HIVEP2: variants seen among roughly 807,000 people sequenced by gnomAD.
HIVEP2 encodes the protein transcription factor HIVEP2.
HIVEP2 carries 14 observed loss-of-function variants against 180.7 expected under a neutral mutation model. The ratio of observed to expected loss-of-function variants is 0.08; its 90% CI spans 0.05 to 0.12. HIVEP2 has a LOEUF of 0.12. HIVEP2 is among the 10% of genes least tolerant of loss of function. The pLI is 1.00. For missense variants in HIVEP2, 2,579 were observed against 3,008.5 expected, an observed-to-expected ratio of 0.86 and a Z score of 3.34; for synonymous variants, 1,184 against 1,136.4, an observed-to-expected ratio of 1.04 and a Z score of -0.84.
intron 1 of HIVEP2, among the ~76,000 whole-genome samples, chr6:142,898,495 C>T (rs1052802317): frequency 1.3e-5 from 2 of 152,044 alleles, no homozygotes; most frequent in Non-Finnish European, 2.9e-5. Context: ...AACCCCATCT[C>T]TACTAAAAAT....
At chr6:142,837,789 G>C (rs913386472) in intron 1 of HIVEP2, among the ~76,000 whole-genome samples, 1 of 152,036 alleles carries the variant, frequency 6.6e-6, no homozygotes, top group Non-Finnish European at 1.5e-5. Flanking sequence ...ACTAGAGAGA[G>C]AGCCTAAAAT....
Position 142,943,151 on chromosome 6 carries a change from T to C in HIVEP2, c.-641+1948A>G, listed in dbSNP as rs946980799. Among the ~76,000 whole-genome samples the C allele has an allele frequency of 1.3e-5, 2 of 152,158 alleles. No homozygotes were observed. The highest frequency in any genetic ancestry group is 2.9e-5 in the Non-Finnish European group (2 of 68,030). ...TTAATAATGAAAATGATACCCACTT[T>C]AGTCACAGAAAGGACATTTCTGTTC... is the stretch of plus-strand genomic sequence containing the variant. On this transcript the variant is annotated intron_variant, in intron 1 of 9. Coordinates refer to ENST00000367603, the MANE Select transcript of HIVEP2 (RefSeq NM_006734.4). The surrounding 1 kb of genome is among the most constrained non-coding windows in gnomAD (Gnocchi z 4.5).
rs184453370 is a variant in HIVEP2 at position 142,925,204 on chromosome 6, T to G, written c.-641+19895A>C. ...GGAAAAAAGGGAATGAGAATCAATA[T>G]TTTTAGAAAGTAATCTTGCATTAAC... is the stretch of plus-strand genomic sequence containing the variant. On this transcript the variant is annotated intron_variant, in intron 1 of 9. Coordinates refer to ENST00000367603, the MANE Select transcript of HIVEP2 (RefSeq NM_006734.4). Among the ~76,000 whole-genome samples, 466 of 152,324 alleles carry G rather than the reference T, an allele frequency of 3.1e-3. 2 individuals carry two copies. Among genetic ancestry groups the G allele is most frequent in the African/African-American group, 0.011 (451 of 41,566 alleles).
chr6:142,799,662 T>C (rs968796221), intron 2 of HIVEP2, among the ~76,000 whole-genome samples: 63 of 152,310 alleles, frequency 4.1e-4, no homozygotes, highest in African/African-American at 1.5e-3. Flanking sequence ...CAAAACCTTA[T>C]TGAAGTCCCA....
In HIVEP2 at chr6:142,799,147, A is replaced by G. The variant is rs970322384; in HGVS notation, c.-527-15532T>C. 4.1e-4 allele frequency among the ~76,000 whole-genome samples: 62 copies of G among 152,298 alleles called. 1 individual carries two copies. The highest frequency in any genetic ancestry group is 6.8e-3 in the Middle Eastern group (2 of 294). ...GCACAGGTGAAATACTGAAAACATG[A>G]AATATTACTTAAAGCATGAAATGCT... On this transcript the variant is annotated intron_variant, in intron 2 of 9. Coordinates refer to ENST00000367603, the MANE Select transcript of HIVEP2 (RefSeq NM_006734.4).
At position 142,770,210 on chromosome 6, in the gene HIVEP2, G is replaced by A. The variant is rs1173742799; in HGVS notation, c.4529C>T (p.Ser1510Leu). ...CAGCGAGGAGAAGGAAGATGACCCTGACTGCAAGCCATCTTTTGGCTCAGA... is the reference window on the plus strand; with the variant it reads ...CAGCGAGGAGAAGGAAGATGACCCTAACTGCAAGCCATCTTTTGGCTCAGA... ...CASEPKDGLQ[S>L]GSSSFSSLSP... The change falls in exon 5 of 10, where the codon TCA (serine) becomes TTA (leucine). Residue 1510 changes from serine to leucine, a missense_variant. By Grantham distance (145) the Ser-to-Leu change is moderately radical. Transcript: ENST00000367603. The surrounding 1 kb of genome is among the most constrained non-coding windows in gnomAD (Gnocchi z 4.7). The A allele has an allele frequency of 6.2e-7, 1 of 1,614,192 alleles. No homozygotes were observed. The highest frequency in any genetic ancestry group is 8.5e-7 in the Non-Finnish European group (1 of 1,180,034).
intron 2 of HIVEP2, among the ~76,000 whole-genome samples, chr6:142,812,963 A>G (rs1406381352): frequency 2.0e-5 from 3 of 152,234 alleles, no homozygotes; most frequent in Non-Finnish European, 4.4e-5. Context: ...CTTGAAGTCC[A>G]CAATTCTGAA....
intron 1 of HIVEP2, among the ~76,000 whole-genome samples, chr6:142,927,000 C>CGCGCGGCG (rs1026956895): frequency 1.3e-4 from 19 of 151,586 alleles, no homozygotes; most frequent in Non-Finnish European, 1.8e-4. Context: ...GGGCAGGCAG[C>CGCGCGGCG]GCGCGGCGGC....
intron 1 of HIVEP2, among the ~76,000 whole-genome samples, chr6:142,895,956 A>C (rs1776978497): frequency 6.6e-6 from 1 of 152,200 alleles, no homozygotes; most frequent in Non-Finnish European, 1.5e-5. Flanking sequence ...ACCTTATTGA[A>C]CCAATTAATG....
intron 1 of HIVEP2, among the ~76,000 whole-genome samples, chr6:142,900,595 A>G (rs2128425156): frequency 6.6e-6 from 1 of 152,304 alleles, no homozygotes; most frequent in African/African-American, 2.4e-5. Context: ...GACACACAGA[A>G]AAGCAATAAC....
intron 1 of HIVEP2, among the ~76,000 whole-genome samples, chr6:142,917,051 T>C (rs1478698049): frequency 6.6e-6 from 1 of 152,232 alleles, no homozygotes; most frequent in Admixed American, 6.5e-5. Context: ...GCACTTCTTC[T>C]AATATTGTAC....
chr6:142,768,656 C>T, intron 5 of HIVEP2, 120 bp from the exon 6 acceptor site: 1 of 904,482 alleles, frequency 1.1e-6, no homozygotes. Flanking sequence ...AGGCCAGGAA[C>T]TAGTTATATA....
rs756431223 is a variant in HIVEP2, at chr6:142,773,483, T to C, written c.1256A>G (p.Lys419Arg). 5 of 1,614,228 alleles carry C rather than the reference T, an allele frequency of 3.1e-6. No homozygotes were observed. The highest frequency in any genetic ancestry group is 2.2e-5 in the East Asian group (1 of 44,888). ...QQISPPNTNAKSYEEIIFGKY... is the reference protein window; with the variant it reads ...QQISPPNTNARSYEEIIFGKY... ...TCCAAAGATGATTTCTTCATAAGAC[T>C]TTGCATTTGTGTTGGGAGGGCTTAT... Residue 419 changes from lysine to arginine, a missense_variant, in exon 5 of 10, where the codon AAG (lysine) becomes AGG (arginine). Transcript: ENST00000367603.
intron 1 of HIVEP2, among the ~76,000 whole-genome samples, chr6:142,839,948 C>A (rs981461284): frequency 6.6e-6 from 1 of 152,088 alleles, no homozygotes. Flanking sequence ...AGCCACTGTG[C>A]CTCTCATAGG....
At chr6:142,879,546 C>G (rs1290566626) in intron 1 of HIVEP2, among the ~76,000 whole-genome samples, 1 of 152,176 alleles carries the variant, frequency 6.6e-6, no homozygotes, top group Non-Finnish European at 1.5e-5. Flanking sequence ...TCCTCTATCT[C>G]AAACTCAGAT....
intron 2 of HIVEP2, among the ~76,000 whole-genome samples, chr6:142,828,229 C>T (rs113704442): frequency 0.015 from 2,297 of 152,286 alleles, 52 homozygotes; most frequent in African/African-American, 0.052. Context: ...TTCCTTGAGA[C>T]TTGCCTCTGT....
intron 1 of HIVEP2, among the ~76,000 whole-genome samples, chr6:142,929,710 C>T (rs1346926269): frequency 6.6e-6 from 1 of 152,044 alleles, no homozygotes; most frequent in Non-Finnish European, 1.5e-5. Context: ...TTGAAGTTTC[C>T]CAAACTAACC....
intron 2 of HIVEP2, among the ~76,000 whole-genome samples, chr6:142,791,842 G>C (rs1357824804): frequency 6.6e-6 from 1 of 152,170 alleles, no homozygotes; most frequent in Admixed American, 6.5e-5. Context: ...CTTTCAAAGA[G>C]CTTACTGTCT....
intron 1 of HIVEP2, among the ~76,000 whole-genome samples, chr6:142,853,318 G>T (rs961795177): frequency 6.6e-6 from 1 of 152,156 alleles, no homozygotes; most frequent in Admixed American, 6.5e-5. Context: ...CTCTAAGCTG[G>T]CTACCCAAAG....
Sources: gnomAD v4.1 joint callset for allele counts (sites outside exome capture counted in the v4.1 genomes callset) on GRCh38, gnomAD v4.1.1 for gene constraint, Gnocchi (gnomAD v3.1) non-coding constraint, MANE v1.5 for transcripts, NCBI Gene and HGNC (gene_info 2026-07-23, HGNC 2026-07-21) for gene names.